KIAA1549: variants seen among roughly 807,000 people sequenced by gnomAD.
KIAA1549 encodes the protein KIAA1549.
KIAA1549 carries 70 observed loss-of-function variants against 156.4 expected under a neutral mutation model. That is an observed-to-expected ratio of 0.45 (90% confidence interval 0.37 to 0.55). The LOEUF (loss-of-function observed/expected upper bound fraction) is 0.55. Among genes scored for constraint, KIAA1549 ranks in the 20% least tolerant of loss-of-function variants. The pLI, the probability that KIAA1549 is intolerant of heterozygous loss-of-function variation, is 0.00. For missense variants in KIAA1549, 2,428 were observed against 2,540.9 expected (o/e 0.96, Z 0.96); for synonymous variants, 1,103 against 1,066.4 (o/e 1.03, Z -0.67).
intron 1 of KIAA1549, among the ~76,000 whole-genome samples, chr7:138,970,690 G>C (rs555008309): frequency 6.6e-6 from 1 of 152,222 alleles, no homozygotes; most frequent in African/African-American, 2.4e-5. Flanking sequence ...TGCTGATCCG[G>C]GGACCACACT....
At chr7:138,895,547 T>TG (rs1319646119) in intron 9 of KIAA1549, among the ~76,000 whole-genome samples, 1 of 152,118 alleles carries the variant, frequency 6.6e-6, no homozygotes, top group Non-Finnish European at 1.5e-5. Context: ...AATGTATGAT[T>TG]CTACCTACAT....
intron 2 of KIAA1549, 80 bp from the exon 3 acceptor site, chr7:138,912,540 C>T: frequency 1.7e-6 from 2 of 1,178,942 alleles, no homozygotes; most frequent in South Asian, 2.5e-5. Context: ...GACCCCAGCA[C>T]TGTGCCAAAA....
At chr7:138,890,272 A>G (rs2130426293) in intron 10 of KIAA1549, among the ~76,000 whole-genome samples, 1 of 152,340 alleles carries the variant, frequency 6.6e-6, no homozygotes, top group African/African-American at 2.4e-5. Context: ...CACAAAACGC[A>G]GTGAAGCCCA....
intron 5 of KIAA1549, among the ~76,000 whole-genome samples, chr7:138,907,909 C>A (rs1033400202): frequency 1.3e-5 from 2 of 152,114 alleles, no homozygotes; most frequent in African/African-American, 4.8e-5. Context: ...TAAAGTGCCC[C>A]ATCCCCTAGG....
In KIAA1549 at chr7:138,937,458, G is replaced by A. The variant is rs1813049769; in HGVS notation, c.188-18020C>T. Among the ~76,000 whole-genome samples the A allele has an allele frequency of 4.6e-5, 7 of 152,202 alleles. No individual in the cohort carries two copies. The South Asian group carries it at 1.0e-3, about 23-fold the overall frequency. On this transcript the variant is annotated intron_variant, in intron 1 of 19. Transcript: ENST00000422774. Reference sequence around the variant, plus strand: ...CGGTCATGTGAGCTAAGTGCAGGGTGTGAAGTGTTAGCCAAGATAGAAAGG... The same window carrying A: ...CGGTCATGTGAGCTAAGTGCAGGGTATGAAGTGTTAGCCAAGATAGAAAGG...
intron 1 of KIAA1549, among the ~76,000 whole-genome samples, chr7:138,960,320 T>TGGTGTC (rs1349793681): frequency 6.1e-5 from 9 of 147,860 alleles, no homozygotes; most frequent in African/African-American, 2.0e-4. Context: ...TATTTATTTA[T>TGGTGTC]TTATTTTGAG....
At chr7:138,859,327 T>C (rs754344274) in intron 16 of KIAA1549, among the ~76,000 whole-genome samples, 27 of 152,088 alleles carry the variant, frequency 1.8e-4, no homozygotes, top group Non-Finnish European at 3.4e-4. Flanking sequence ...CACAGTCATG[T>C]TGGGGGGTTA....
At chr7:138,937,219 C>T (rs952083091) in intron 1 of KIAA1549, among the ~76,000 whole-genome samples, 23 of 152,058 alleles carry the variant, frequency 1.5e-4, no homozygotes, top group African/African-American at 5.6e-4. Context: ...CACCCCAGAA[C>T]CCCCTTTTCC....
At chr7:138,940,054 G>A (rs1040506386) in intron 1 of KIAA1549, among the ~76,000 whole-genome samples, 5 of 152,142 alleles carry the variant, frequency 3.3e-5, no homozygotes, top group African/African-American at 9.6e-5. Flanking sequence ...TAGGGTACAT[G>A]TGCACAACGT....
In KIAA1549 at chr7:138,938,868, C is replaced by T. The variant is rs137943104; in HGVS notation, c.188-19430G>A. On this transcript the variant is annotated intron_variant, in intron 1 of 19. Coordinates refer to ENST00000422774, the MANE Select transcript of KIAA1549 (RefSeq NM_001164665.2). ...TACAAGACCAGTCTAGCCAATACGG[C>T]GAAACCCTGTGTCTACTAAAAACAC... 2.0e-3 allele frequency among the ~76,000 whole-genome samples: 300 copies of T among 152,090 alleles called. 1 individual carries two copies. Among genetic ancestry groups the T allele is most frequent in the African/African-American group, 6.7e-3 (276 of 41,500 alleles).
intron 14 of KIAA1549, 119 bp downstream of exon 14, chr7:138,869,419 C>T (rs559749518): frequency 9.1e-6 from 7 of 771,192 alleles, no homozygotes; most frequent in African/African-American, 8.6e-5. Flanking sequence ...CACGTGAACA[C>T]GGATGGGGTC....
intron 14 of KIAA1549, among the ~76,000 whole-genome samples, chr7:138,868,917 C>T (rs1033959127): frequency 1.3e-5 from 2 of 152,118 alleles, no homozygotes; most frequent in Admixed American, 6.5e-5. Context: ...GGCCGGCCTG[C>T]GACGGGAGCA....
In KIAA1549 at chr7:138,844,337, C is replaced by T. The variant is rs1357171842; in HGVS notation, c.5432G>A (p.Arg1811Gln). ...TATACCTGTGGTACCCCCGACAGGC[C>T]GAGGCCGGGCCACCGACGGCATCTC... ...SEEMPSVARP[R>Q]PVGGTTGSQI... Residue 1811 changes from arginine (R) to glutamine (Q), a missense_variant, in exon 18 of 20, where the codon CGG becomes CAG. By Grantham distance (43) the Arg-to-Gln change is conservative. Around this residue, in one of 5 missense-constraint regions of KIAA1549, gnomAD observed 363 missense variants for 354.0 expected, o/e 1.03. Coordinates refer to ENST00000422774, the MANE Select transcript of KIAA1549 (RefSeq NM_001164665.2). 2 of 1,613,944 alleles carry T rather than the reference C, an allele frequency of 1.2e-6. No individual in the cohort carries two copies. Among genetic ancestry groups the T allele is most frequent in the East Asian group, 2.2e-5 (1 of 44,886 alleles).
In KIAA1549 at chr7:138,941,063, TA is replaced by T. The variant is rs1247003615; in HGVS notation, c.188-21626del. ...TTTTGGCTTTTGTTGCCATTGCTTT[TA>T]AAAAATTTTATTAAAAAAAATTAAA... On this transcript the variant is annotated intron_variant, in intron 1 of 19. Coordinates refer to ENST00000422774, the MANE Select transcript of KIAA1549 (RefSeq NM_001164665.2). Among the ~76,000 whole-genome samples the T allele has an allele frequency of 2.0e-5, 3 of 151,998 alleles. No individual in the cohort carries two copies. The South Asian group carries it at 6.2e-4, about 31-fold the overall frequency.
chr7:138,850,321 C>T (rs1810201700), intron 17 of KIAA1549, among the ~76,000 whole-genome samples: 1 of 152,152 alleles, frequency 6.6e-6, no homozygotes, highest in Non-Finnish European at 1.5e-5. Flanking sequence ...CTCTCACCAA[C>T]AAGCATTCCC....
chr7:138,849,727 C>A (rs1052336600), intron 17 of KIAA1549, among the ~76,000 whole-genome samples: 1 of 152,032 alleles, frequency 6.6e-6, no homozygotes, highest in African/African-American at 2.4e-5. Flanking sequence ...ACCCTCTACC[C>A]TCAAGTGGGC....
In KIAA1549 at chr7:138,917,613, T is replaced by C. The variant is rs751963902; in HGVS notation, c.2013A>G (p.Thr671=). The C allele has an allele frequency of 2.9e-5, 47 of 1,613,576 alleles. 1 individual carries two copies. Among genetic ancestry groups the C allele is most frequent in the Non-Finnish European group, 3.8e-5 (45 of 1,179,846 alleles). Residue 671 remains threonine (T), a synonymous_variant, in exon 2 of 20, where the codon ACA becomes ACG. Coordinates refer to ENST00000422774, the MANE Select transcript of KIAA1549 (RefSeq NM_001164665.2). ...QSFSPLVETF[T]LFDSSDLQSS... ...ACTGCAGATCACTAGAGTCAAACAA[T>C]GTAAATGTCTCAACCAAGGGAGAAA...
At position 138,838,174 on chromosome 7, in the gene KIAA1549, C is replaced by A; in HGVS notation, c.5599-14G>T. The A allele has an allele frequency of 6.9e-7, 1 of 1,455,548 alleles. No homozygotes were observed. The highest frequency in any genetic ancestry group is 1.4e-5 in the South Asian group (1 of 69,344). 90.2% of individuals were successfully genotyped at this position (1,455,548 alleles called of 1,614,324 possible). A position where few individuals can be genotyped will look rare whatever the true frequency, so the allele number is the denominator to read the frequency against. ...GAGCATGTGTGTCTGAAAAACATGG[C>A]AAACGTCACTGTACTTCCTACGAAG... is the stretch of plus-strand genomic sequence containing the variant. On this transcript the variant is annotated splice_polypyrimidine_tract_variant and intron_variant, in intron 19 of 19. Coordinates refer to ENST00000422774, the MANE Select transcript of KIAA1549 (RefSeq NM_001164665.2).
intron 15 of KIAA1549, among the ~76,000 whole-genome samples, chr7:138,863,562 C>G (rs1398894888): frequency 1.3e-5 from 2 of 152,106 alleles, no homozygotes; most frequent in Non-Finnish European, 2.9e-5. Flanking sequence ...CCTACACACT[C>G]TTTTAATTGA....
Sources: allele counts gnomAD v4.1 joint callset (sites outside exome capture counted in the v4.1 genomes callset), GRCh38; gene constraint gnomAD v4.1.1; regional missense constraint gnomAD v4.1.1; transcripts MANE v1.5; gene names NCBI Gene and HGNC (gene_info 2026-07-23, HGNC 2026-07-21).